ZC3H12B: variants seen among roughly 807,000 people sequenced by gnomAD.
ZC3H12B encodes the protein zinc finger CCCH-type containing 12B.
A neutral mutation model predicts 43.9 loss-of-function variants in ZC3H12B; 7 were observed. That is an observed-to-expected ratio of 0.16 (90% confidence interval 0.09 to 0.30). ZC3H12B has a LOEUF of 0.30. Ranked by LOEUF, ZC3H12B falls within the 10% of genes least tolerant of loss-of-function variation. The probability of loss-of-function intolerance (pLI) is 1.00; values close to 1 mark genes in which losing one functional copy is unlikely to be tolerated. For missense variants in ZC3H12B, 475 were observed against 670.2 expected, an observed-to-expected ratio of 0.71 and a Z score of 3.22; for synonymous variants, 222 against 241.7, an observed-to-expected ratio of 0.92 and a Z score of 0.76.
At chrX:65,457,005 C>G (rs2067628271) in intron 3 of ZC3H12B, among the ~76,000 whole-genome samples, 1 of 102,210 alleles carries the variant, frequency 9.8e-6, no homozygotes, top group African/African-American at 3.6e-5. Flanking sequence ...AGGAGCGCCT[C>G]TTCCCCGCTG....
the ZC3H12B span, among the ~76,000 whole-genome samples, chrX:65,223,879 G>T: frequency 8.9e-6 from 1 of 112,119 alleles, no homozygotes; most frequent in Non-Finnish European, 1.9e-5. Context: ...CAACCACTAT[G>T]GAAAACAGAG....
At chrX:65,336,033 C>T in the ZC3H12B span, among the ~76,000 whole-genome samples, 1 of 111,905 alleles carries the variant, frequency 8.9e-6, no homozygotes, top group Non-Finnish European at 1.9e-5. Flanking sequence ...TACAGGGGTC[C>T]TAGGCCCATG....
chrX:65,228,374 G>A, the ZC3H12B span, among the ~76,000 whole-genome samples: 2 of 111,273 alleles, frequency 1.8e-5, no homozygotes, highest in South Asian at 3.8e-4. Context: ...GGTATTGATG[G>A]GACGTATCTC....
At chrX:65,244,727 C>CAAAAAAAAAAA in the ZC3H12B span, among the ~76,000 whole-genome samples, 11 of 20,355 alleles carry the variant, frequency 5.4e-4, no homozygotes, top group African/African-American at 9.9e-4. Flanking sequence ...AATACCTTGC[C>CAAAAAAAAAAA]AAAAAAAAAA....
At chrX:65,316,419 C>G in the ZC3H12B span, among the ~76,000 whole-genome samples, 4 of 111,426 alleles carry the variant, frequency 3.6e-5, no homozygotes, top group African/African-American at 1.3e-4. Flanking sequence ...GAAAGGTGAC[C>G]TAAAAGTTTA....
chrX:65,160,590 G>T, the ZC3H12B span, among the ~76,000 whole-genome samples: 1 of 111,685 alleles, frequency 9.0e-6, no homozygotes, highest in Non-Finnish European at 1.9e-5. Context: ...TTGTATTTCT[G>T]TGGGATTGGT....
At chrX:65,464,166 G>A (rs2067788756) in intron 3 of ZC3H12B, among the ~76,000 whole-genome samples, 1 of 112,218 alleles carries the variant, frequency 8.9e-6, no homozygotes, top group African/African-American at 3.2e-5. Context: ...CTGAGAGAGG[G>A]CCTGATATGG....
At chrX:65,277,724 G>A in the ZC3H12B span, among the ~76,000 whole-genome samples, 4 of 110,688 alleles carry the variant, frequency 3.6e-5, no homozygotes, top group Middle Eastern at 9.5e-3. Context: ...AATATTAAGA[G>A]GCAAGTTTAT....
At chrX:65,381,544 C>G (rs2066439927) in intron 2 of ZC3H12B, among the ~76,000 whole-genome samples, 1 of 111,129 alleles carries the variant, frequency 9.0e-6, no homozygotes, top group Non-Finnish European at 1.9e-5. Context: ...ATTAAAAGAA[C>G]TAGAAAAGCA....
At chrX:65,445,891 C>T (rs902466780) in intron 3 of ZC3H12B, among the ~76,000 whole-genome samples, 4 of 111,927 alleles carry the variant, frequency 3.6e-5, no homozygotes, top group African/African-American at 1.3e-4. Flanking sequence ...TTTACTCTTT[C>T]CTCTTCTTTC....
At chrX:65,231,704 C>T in the ZC3H12B span, among the ~76,000 whole-genome samples, 3 of 111,139 alleles carry the variant, frequency 2.7e-5, no homozygotes, top group Non-Finnish European at 5.7e-5. Context: ...CTGCCCGACC[C>T]CGCAGGCAGT....
chrX:65,131,057 T>A, the ZC3H12B span, among the ~76,000 whole-genome samples: 1 of 111,876 alleles, frequency 8.9e-6, no homozygotes, highest in Non-Finnish European at 1.9e-5. Flanking sequence ...AACAGCACAG[T>A]GGTGCAGGAT....
the ZC3H12B span, among the ~76,000 whole-genome samples, chrX:65,141,741 C>T: frequency 2.7e-5 from 3 of 111,113 alleles, no homozygotes; most frequent in Non-Finnish European, 5.7e-5. Flanking sequence ...GCTTAACTCC[C>T]ACATATGAAT....
At chrX:65,187,572 G>C in the ZC3H12B span, among the ~76,000 whole-genome samples, 1 of 110,502 alleles carries the variant, frequency 9.0e-6, no homozygotes, top group Non-Finnish European at 1.9e-5. Context: ...TCAAGTCTAT[G>C]GTAGAATGAC....
rs776422908 is a variant in ZC3H12B, at chrX:65,474,408, A to T, written n.408-14238A>T. On this transcript the variant is annotated intron_variant and non_coding_transcript_variant, in intron 3 of 5. Transcript: ENST00000617377. ...GCATATTACTAGATCCTGTTTTTTT[A>T]AAATCTATTCATTAGCAAGCAATGG... Among the ~76,000 whole-genome samples the T allele has an allele frequency of 5.5e-4, 61 of 111,115 alleles. 1 individual carries two copies. In the Middle Eastern group the frequency reaches 0.018, roughly 33 times the overall value.
At chrX:65,221,410 G>C in the ZC3H12B span, among the ~76,000 whole-genome samples, 2 of 111,360 alleles carry the variant, frequency 1.8e-5, no homozygotes, top group Non-Finnish European at 3.8e-5. Flanking sequence ...CAAAAAGCTG[G>C]TTCTTAGAAA....
chrX:65,390,964 C>T (rs941312415), intron 2 of ZC3H12B, among the ~76,000 whole-genome samples: 2 of 111,775 alleles, frequency 1.8e-5, no homozygotes, highest in Non-Finnish European at 3.8e-5. Context: ...AAGAGACCAA[C>T]AATAGAACTA....
At chrX:65,262,575 C>A in the ZC3H12B span, among the ~76,000 whole-genome samples, 1 of 110,859 alleles carries the variant, frequency 9.0e-6, no homozygotes, top group Non-Finnish European at 1.9e-5. Flanking sequence ...AAACAAATTG[C>A]TGTCAATATC....
the ZC3H12B span, among the ~76,000 whole-genome samples, chrX:65,090,207 C>T: frequency 8.9e-6 from 1 of 111,888 alleles, no homozygotes; most frequent in Non-Finnish European, 1.9e-5. Flanking sequence ...CCTTGTGCTA[C>T]ATTGTTGCAG....
Sources: gnomAD v4.1 joint callset for allele counts (sites outside exome capture counted in the v4.1 genomes callset) on GRCh38, gnomAD v4.1.1 for gene constraint, MANE v1.5 for transcripts, NCBI Gene and HGNC (gene_info 2026-07-23, HGNC 2026-07-21) for gene names.